Variants in FEZ1 observed in about 807,000 individuals in gnomAD.
The protein encoded by FEZ1 is fasciculation and elongation protein zeta 1.
In FEZ1, 20 loss-of-function variants were observed where a neutral mutation model predicts 49.3. The ratio of observed to expected loss-of-function variants is 0.41; its 90% CI spans 0.29 to 0.59. The LOEUF (loss-of-function observed/expected upper bound fraction) is 0.59. Ranked by LOEUF, FEZ1 falls within the 20% of genes least tolerant of loss-of-function variation. The pLI is 0.36. For synonymous variants in FEZ1, 170 were observed against 180.9 expected (o/e 0.94, Z 0.48); for missense variants, 413 against 476.0 (o/e 0.87, Z 1.23).
rs199872494 is a variant in FEZ1, at chr11:125,460,451, C to A, written c.667+47G>T. On this transcript the variant is annotated intron_variant, in intron 5 of 9. Transcript: ENST00000278919. ...AAGCACACAGCCCAGAGCCTGGCCC[C>A]GAGCAGGTGCTTCCTCCTCGGCCAG... 3.4e-5 allele frequency: 53 copies of A among 1,570,038 alleles called. No homozygotes were observed. The East Asian group carries it at 1.1e-3, about 32-fold the overall frequency.
rs997716479 is a variant in FEZ1 at position 125,495,562 on chromosome 11, G to T, written c.-46+559C>A. ...CCAGCGGTTCTGACACTGCAGGAAT[G>T]CGCGGTCTGGGGAAGGCTCCGCACT... is the stretch of plus-strand genomic sequence containing the variant. On this transcript the variant is annotated intron_variant, in intron 1 of 9. Transcript: ENST00000278919. This position sits in a 1 kb window ranked among gnomAD's most constrained non-coding sequence, Gnocchi z 4.2. 2.1e-6 allele frequency: 1 copy of T among 471,052 alleles called. No homozygotes were observed. The highest frequency in any genetic ancestry group is 2.0e-5 in the African/African-American group (1 of 50,202). The allele number at this position is 471,052 out of a possible 1,614,324, so 29.2% of individuals were successfully genotyped here.
chr11:125,493,371 AAAGAAAG>A (rs1565306728), intron 1 of FEZ1, among the ~76,000 whole-genome samples: 502 of 38,436 alleles, frequency 0.013, 7 homozygotes, highest in African/African-American at 0.015. Context: ...GAAAAGAAAG[AAAGAAAG>A]AAAGAAAGAA....
At chr11:125,477,432 G>A (rs1957242118) in intron 3 of FEZ1, among the ~76,000 whole-genome samples, 1 of 152,090 alleles carries the variant, frequency 6.6e-6, no homozygotes, top group Admixed American at 6.6e-5. Context: ...TTGAACCTGG[G>A]AGGTGGATGT....
intron 3 of FEZ1, among the ~76,000 whole-genome samples, chr11:125,480,634 C>G (rs618900): frequency 0.19 from 28,237 of 152,074 alleles, 2,773 homozygotes; most frequent in African/African-American, 0.22. Context: ...ATGAGAAAAC[C>G]TGATTTTTTT....
intron 8 of FEZ1, among the ~76,000 whole-genome samples, chr11:125,450,916 A>C (rs563607942): frequency 5.9e-5 from 9 of 152,312 alleles, no homozygotes; most frequent in African/African-American, 1.9e-4. Flanking sequence ...TTTCCAAAGT[A>C]GTCTAAATGA....
In FEZ1 at chr11:125,454,215, G is replaced by C. The variant is rs1290635141; in HGVS notation, c.940-5C>G. On this transcript the variant is annotated splice_region_variant and splice_polypyrimidine_tract_variant and intron_variant, in intron 6 of 9. Transcript: ENST00000278919. ...GATGCCTTCCATGCTGAAGCGCTGT[G>C]GGGGAGAGAGACTCAAGAAGGGCAA... 8.1e-6 allele frequency: 13 copies of C among 1,611,650 alleles called. No individual in the cohort carries two copies. The highest frequency in any genetic ancestry group is 9.3e-6 in the Non-Finnish European group (11 of 1,178,508).
intron 9 of FEZ1, among the ~76,000 whole-genome samples, chr11:125,447,389 C>G (rs982944136): frequency 6.6e-6 from 1 of 152,126 alleles, no homozygotes; most frequent in Non-Finnish European, 1.5e-5. Context: ...AAAGGGGAAC[C>G]TATATACATC....
intron 6 of FEZ1, 100 bp downstream of exon 6, chr11:125,455,735 C>T (rs753283365): frequency 4.1e-6 from 5 of 1,233,264 alleles, no homozygotes; most frequent in East Asian, 4.6e-5. Flanking sequence ...CACCACTGCT[C>T]GGTAAACGTT....
chr11:125,446,262 G>T lies in FEZ1; in HGVS notation c.1163-151C>A, dbSNP rs1016258114. 8 of 705,984 alleles carry T rather than the reference G, an allele frequency of 1.1e-5. No individual in the cohort carries two copies. In the African/African-American group the frequency reaches 1.2e-4, roughly 11 times the overall value. The allele number at this position is 705,984 out of a possible 1,614,324, so 43.7% of individuals were successfully genotyped here. A position where few individuals can be genotyped will look rare whatever the true frequency, so the allele number is the denominator to read the frequency against. ...TGCCTAGAATAAGGGAGAGACAATG[G>T]CAGGTGGTTGCTGGTTATAATAACT... On this transcript the variant is annotated intron_variant, in intron 9 of 9. Coordinates refer to ENST00000278919, the MANE Select transcript of FEZ1 (RefSeq NM_005103.5).
At chr11:125,481,846 T>G (rs751345409) in intron 2 of FEZ1, 18 of 566,796 alleles carry the variant, frequency 3.2e-5, no homozygotes, top group Non-Finnish European at 4.7e-5. Flanking sequence ...GGCTTCAGTG[T>G]GAAAGGTGTT....
chr11:125,492,208 A>T (rs1957389017), intron 1 of FEZ1, among the ~76,000 whole-genome samples: 1 of 152,192 alleles, frequency 6.6e-6, no homozygotes, highest in Non-Finnish European at 1.5e-5. Flanking sequence ...CCACATTGCA[A>T]GTGCTCAACA....
At chr11:125,493,259 A>T (rs1164764360) in intron 1 of FEZ1, among the ~76,000 whole-genome samples, 1 of 151,172 alleles carries the variant, frequency 6.6e-6, no homozygotes, top group Admixed American at 6.6e-5. Context: ...GCTTGAGCCC[A>T]AGAGGCAGAG....
At chr11:125,459,052 CA>C (rs200566923) in intron 5 of FEZ1, among the ~76,000 whole-genome samples, 2 of 151,958 alleles carry the variant, frequency 1.3e-5, no homozygotes, top group Admixed American at 6.6e-5. Context: ...GGCAACAGAG[CA>C]AGACTCTGTC....
intron 2 of FEZ1, among the ~76,000 whole-genome samples, chr11:125,481,979 G>A (rs1013689942): frequency 3.3e-5 from 5 of 152,088 alleles, no homozygotes; most frequent in Non-Finnish European, 7.4e-5. Context: ...CTGAATCTAA[G>A]AGATGCCCAT....
chr11:125,481,504 C>T (rs1342568690), intron 3 of FEZ1, 30 bp downstream of exon 3: 1 of 1,237,422 alleles, frequency 8.1e-7, no homozygotes, highest in Non-Finnish European at 1.2e-6. Context: ...CATCTCAAGC[C>T]CTGCTAAACC....
chr11:125,457,076 G>T (rs36143594), intron 5 of FEZ1, among the ~76,000 whole-genome samples: 51,516 of 151,292 alleles, frequency 0.34, 8,959 homozygotes, highest in South Asian at 0.49. Flanking sequence ...CCAGCTATTC[G>T]GCAGAGTGAG....
rs1030863402 is a variant in FEZ1, at chr11:125,445,957, C to T, written c.*138G>A. ...GAAGCCAACGGCAAAGGACCCCGCG[C>T]GCTTGCTCGTGTTTAATCCAGGTTA... On this transcript the variant is annotated 3_prime_UTR_variant, in exon 10 of 10. Transcript: ENST00000278919. The surrounding 1 kb of genome is among the most constrained non-coding windows in gnomAD (Gnocchi z 4.4). The T allele has an allele frequency of 5.0e-5, 44 of 876,600 alleles. No individual in the cohort carries two copies. Among genetic ancestry groups the T allele is most frequent in the Admixed American group, 3.6e-4 (21 of 57,900 alleles). The allele number at this position is 876,600 out of a possible 1,614,324, so 54.3% of individuals were successfully genotyped here. A position where few individuals can be genotyped will look rare whatever the true frequency, so the allele number is the denominator to read the frequency against.
In FEZ1 at chr11:125,482,974, TAAAA is replaced by T. The variant is rs56169482; in HGVS notation, c.312-1345_312-1342del. Among the ~76,000 whole-genome samples, 17 of 28,760 alleles carry T rather than the reference TAAAA, an allele frequency of 5.9e-4. No homozygotes were observed. In the South Asian group the frequency reaches 0.016, roughly 28 times the overall value. 18.9% of individuals were successfully genotyped at this position (28,760 alleles called of 152,430 possible). On this transcript the variant is annotated intron_variant, in intron 2 of 9. Transcript: ENST00000278919. ...GCCTGGGTGACAGAACAAGACACTG[TAAAA>T]AAAAAAAAAAAAAAAAAAAAAAAAA...
chr11:125,489,553 C>G lies in FEZ1; in HGVS notation c.225G>C (p.Arg75=). ...GGTTCTCGGTCTTGGCGTTGTAGTT[C>G]CGAAAGCAGACATTGAGCTTCTCAT... ...EFDEKLNVCF[R]NYNAKTENLA... The change falls in exon 2 of 10, where the codon CGG becomes CGC. Residue 75 remains arginine (R), a synonymous_variant. Coordinates refer to ENST00000278919, the MANE Select transcript of FEZ1 (RefSeq NM_005103.5). This position sits in a 1 kb window ranked among gnomAD's most constrained non-coding sequence, Gnocchi z 4.2. 1 of 1,614,132 alleles carries G rather than the reference C, an allele frequency of 6.2e-7. No homozygotes were observed. Among genetic ancestry groups the G allele is most frequent in the Non-Finnish European group, 8.5e-7 (1 of 1,180,024 alleles).
Sources: gnomAD v4.1 joint callset for allele counts (sites outside exome capture counted in the v4.1 genomes callset) on GRCh38, gnomAD v4.1.1 for gene constraint, Gnocchi (gnomAD v3.1) non-coding constraint, MANE v1.5 for transcripts, NCBI Gene and HGNC (gene_info 2026-07-23, HGNC 2026-07-21) for gene names.